MAP2K5: variants seen among roughly 807,000 people sequenced by gnomAD.
MAP2K5 encodes dual specificity mitogen-activated protein kinase kinase 5.
In MAP2K5, 49 loss-of-function variants were observed where a neutral mutation model predicts 83.1. The observed-to-expected ratio is 0.59, with a 90% CI of 0.47 to 0.75. The LOEUF is 0.75. MAP2K5 is among the 30% of genes least tolerant of loss of function. MAP2K5 has a pLI of 0.00. For missense variants in MAP2K5, 457 were observed against 557.5 expected, an observed-to-expected ratio of 0.82 and a Z score of 1.82; for synonymous variants, 202 against 191.8, an observed-to-expected ratio of 1.05 and a Z score of -0.44.
At chr15:67,646,340 G>T (rs1300132586) in intron 10 of MAP2K5, 41 bp downstream of exon 10, 1 of 1,386,280 alleles carries the variant, frequency 7.2e-7, no homozygotes, top group Non-Finnish European at 1.0e-6. Flanking sequence ...CATGCCTATG[G>T]TATTGACTTG....
chr15:67,672,880 G>A (rs2087580384), intron 13 of MAP2K5, among the ~76,000 whole-genome samples: 1 of 151,702 alleles, frequency 6.6e-6, no homozygotes, highest in Admixed American at 6.6e-5. Context: ...TTCTACATAT[G>A]GCTAGCCAGT....
At chr15:67,598,356 C>T (rs1372029383) in intron 7 of MAP2K5, among the ~76,000 whole-genome samples, 2 of 152,192 alleles carry the variant, frequency 1.3e-5, no homozygotes, top group Non-Finnish European at 2.9e-5. Flanking sequence ...AGAACTTGCT[C>T]TTCAAAACCA....
intron 17 of MAP2K5, among the ~76,000 whole-genome samples, chr15:67,734,977 C>T (rs1169362456): frequency 1.3e-5 from 2 of 152,032 alleles, no homozygotes; most frequent in Non-Finnish European, 2.9e-5. Context: ...TACTTTTGTC[C>T]TCACTATTTA....
At chr15:67,679,026 CACATTAAGT>C (rs2087749011) in intron 13 of MAP2K5, among the ~76,000 whole-genome samples, 1 of 150,900 alleles carries the variant, frequency 6.6e-6, no homozygotes, top group African/African-American at 2.4e-5. Context: ...CTATACAAAG[CACATTAAGT>C]AACTCCAACT....
At chr15:67,546,326 C>T (rs1383724481) in intron 1 of MAP2K5, 1 of 152,288 alleles carries the variant, frequency 6.6e-6, no homozygotes, top group African/African-American at 2.4e-5. Context: ...AGGCATGAAC[C>T]CCACAGGGGG....
intron 13 of MAP2K5, among the ~76,000 whole-genome samples, chr15:67,691,213 G>A (rs1457322133): frequency 6.6e-6 from 1 of 152,138 alleles, no homozygotes; most frequent in Non-Finnish European, 1.5e-5. Context: ...CTCTTTCAGG[G>A]GCTGGGAGTA....
At chr15:67,616,787 G>A (rs2086066031) in intron 8 of MAP2K5, among the ~76,000 whole-genome samples, 1 of 152,012 alleles carries the variant, frequency 6.6e-6, no homozygotes, top group Non-Finnish European at 1.5e-5. Context: ...TATTTCTTGA[G>A]CCAAATCCTA....
chr15:67,689,759 A>T (rs1459517668), intron 13 of MAP2K5, among the ~76,000 whole-genome samples: 1 of 152,214 alleles, frequency 6.6e-6, no homozygotes, highest in Non-Finnish European at 1.5e-5. Flanking sequence ...CCATTGATCC[A>T]CTTAAGTCAG....
In MAP2K5 at chr15:67,620,833, T is replaced by A. The variant is rs534992867; in HGVS notation, c.546-10055T>A. Among the ~76,000 whole-genome samples the A allele has an allele frequency of 2.6e-5, 4 of 152,278 alleles. No homozygotes were observed. In the South Asian group the frequency reaches 8.3e-4, roughly 32 times the overall value. On this transcript the variant is annotated intron_variant, in intron 8 of 21. Coordinates refer to ENST00000178640, the MANE Select transcript of MAP2K5 (RefSeq NM_145160.3). ...TTATACGGGTAACTAAAACAGTGAA[T>A]AGAATGTGTAACTTCAAAACAAATA...
intron 17 of MAP2K5, among the ~76,000 whole-genome samples, chr15:67,745,404 C>G (rs543726229): frequency 2.0e-5 from 3 of 152,180 alleles, no homozygotes; most frequent in Non-Finnish European, 4.4e-5. Context: ...TTTTAATGTG[C>G]TATAAACTAG....
At chr15:67,675,819 A>G (rs1045405519) in intron 13 of MAP2K5, among the ~76,000 whole-genome samples, 1 of 152,166 alleles carries the variant, frequency 6.6e-6, no homozygotes, top group African/African-American at 2.4e-5. Context: ...GTAGGATTTG[A>G]TCATAGGCAG....
intron 15 of MAP2K5, among the ~76,000 whole-genome samples, chr15:67,699,970 TAA>T (rs5813453): frequency 7.8e-5 from 11 of 140,862 alleles, no homozygotes; most frequent in African/African-American, 1.3e-4. Context: ...CTTGCCAATG[TAA>T]AAAAAAAAAA....
chr15:67,681,928 C>T (rs2087827602), intron 13 of MAP2K5, among the ~76,000 whole-genome samples: 1 of 152,196 alleles, frequency 6.6e-6, no homozygotes, highest in African/African-American at 2.4e-5. Context: ...AAATGACTTA[C>T]ATCTGCCCTG....
At chr15:67,602,900 C>A (rs1335830526) in intron 8 of MAP2K5, among the ~76,000 whole-genome samples, 1 of 152,188 alleles carries the variant, frequency 6.6e-6, no homozygotes, top group African/African-American at 2.4e-5. Flanking sequence ...GATTCACCTG[C>A]CTTGGCCTCC....
chr15:67,604,893 T>A lies in MAP2K5; in HGVS notation c.545+4144T>A, dbSNP rs934118807. On this transcript the variant is annotated intron_variant, in intron 8 of 21. Coordinates refer to ENST00000178640, the MANE Select transcript of MAP2K5 (RefSeq NM_145160.3). ...CTGGCAACAGAACAAGAAAAAAAAA[T>A]TAATAGTATCTAGGTTGTTGTGAGG... Among the ~76,000 whole-genome samples, 3 of 151,336 alleles carry A rather than the reference T, an allele frequency of 2.0e-5. No individual in the cohort carries two copies. The East Asian group carries it at 5.8e-4, about 29-fold the overall frequency.
chr15:67,732,095 T>A (rs930928338), intron 17 of MAP2K5, among the ~76,000 whole-genome samples: 5 of 152,248 alleles, frequency 3.3e-5, no homozygotes, highest in African/African-American at 1.2e-4. Flanking sequence ...ATTGCATTTT[T>A]AAATATCTTG....
At position 67,806,992 on chromosome 15, in the gene MAP2K5, G is replaced by T. The variant is rs1399339579; in HGVS notation, c.*242G>T. The T allele has an allele frequency of 2.4e-5, 36 of 1,482,312 alleles. No homozygotes were observed. Among genetic ancestry groups the T allele is most frequent in the Non-Finnish European group, 3.1e-5 (35 of 1,117,636 alleles). 91.8% of individuals were successfully genotyped at this position (1,482,312 alleles called of 1,614,324 possible). A position where few individuals can be genotyped will look rare whatever the true frequency, so the allele number is the denominator to read the frequency against. ...GACACTGGCAGAGAGGTAAAGGGTG[G>T]GGCATTGAGAATGGAGGCTCCCAGG... is the stretch of plus-strand genomic sequence containing the variant. On this transcript the variant is annotated 3_prime_UTR_variant, in exon 22 of 22. Transcript: ENST00000178640.
intron 6 of MAP2K5, among the ~76,000 whole-genome samples, chr15:67,590,424 T>C (rs2085375019): frequency 8.1e-6 from 1 of 122,964 alleles, no homozygotes; most frequent in Non-Finnish European, 1.7e-5. Flanking sequence ...TCTCCCTCCC[T>C]CCCTCTCTCT....
chr15:67,642,379 G>T, intron 9 of MAP2K5: 1 of 1,560,340 alleles, frequency 6.4e-7, no homozygotes, highest in Non-Finnish European at 8.7e-7. Context: ...CCCTTGAGAG[G>T]CGCATAGCCA....
Sources: allele counts gnomAD v4.1 joint callset (sites outside exome capture counted in the v4.1 genomes callset), GRCh38; gene constraint gnomAD v4.1.1; transcripts MANE v1.5; gene names NCBI Gene and HGNC (gene_info 2026-07-23, HGNC 2026-07-21).